The following SPECC1 variants were observed in gnomAD, a reference collection of about 807,000 sequenced individuals.
SPECC1 encodes sperm antigen with calponin homology and coiled-coil domains 1.
SPECC1 carries 62 observed loss-of-function variants against 104.1 expected under a neutral mutation model. The observed-to-expected ratio is 0.60, with a 90% confidence interval of 0.49 to 0.74. The LOEUF (loss-of-function observed/expected upper bound fraction) is 0.74, where lower values mean the gene tolerates loss of function less well. SPECC1 is among the 30% of genes least tolerant of loss of function. The pLI is 0.00. For synonymous variants in SPECC1, 513 were observed against 501.6 expected (o/e 1.02, Z -0.30); for missense variants, 1,306 against 1,310.5 (o/e 1.00, Z 0.05).
At chr17:20,179,287 A>G (rs770950426) in intron 3 of SPECC1, among the ~76,000 whole-genome samples, 10 of 152,260 alleles carry the variant, frequency 6.6e-5, no homozygotes, top group Non-Finnish European at 1.2e-4. Context: ...TGCAGGCACT[A>G]AAGTCTACAG....
intron 5 of SPECC1, among the ~76,000 whole-genome samples, chr17:20,228,411 C>G (rs1327988727): frequency 2.0e-5 from 3 of 152,176 alleles, no homozygotes; most frequent in African/African-American, 4.8e-5. Context: ...CTGCTGCTGT[C>G]TCCAGGCAGC....
intron 1 of SPECC1, chr17:20,056,692 C>T (rs1271242898): frequency 1.3e-5 from 2 of 152,436 alleles, no homozygotes; most frequent in Non-Finnish European, 2.9e-5. Flanking sequence ...TATGCAGAGG[C>T]ATTTTATAGA....
At chr17:20,050,106 C>G (rs1029512990) in intron 1 of SPECC1, among the ~76,000 whole-genome samples, 1 of 152,190 alleles carries the variant, frequency 6.6e-6, no homozygotes, top group Admixed American at 6.5e-5. Context: ...TGTGAGCCAC[C>G]GCCCCTGGCC....
chr17:20,266,903 T>TC (rs938662485), intron 12 of SPECC1, among the ~76,000 whole-genome samples: 1 of 151,976 alleles, frequency 6.6e-6, no homozygotes, highest in Non-Finnish European at 1.5e-5. Context: ...GTGTGGAGGG[T>TC]CAGAGTAAGG....
chr17:20,272,836 A>G (rs2040452016), intron 12 of SPECC1, among the ~76,000 whole-genome samples: 1 of 152,218 alleles, frequency 6.6e-6, no homozygotes. Context: ...TTTCACAGAT[A>G]CAATGTTACA....
chr17:20,287,564 G>A (rs1309292046), intron 12 of SPECC1, among the ~76,000 whole-genome samples: 2 of 151,628 alleles, frequency 1.3e-5, no homozygotes, highest in Non-Finnish European at 2.9e-5. Context: ...TACCAGTTGT[G>A]CCACATTGAT....
intron 3 of SPECC1, among the ~76,000 whole-genome samples, chr17:20,156,905 A>G (rs1285633313): frequency 1.3e-5 from 2 of 152,160 alleles, no homozygotes; most frequent in African/African-American, 4.8e-5. Flanking sequence ...CACGTGAAGC[A>G]AAAGGGATTT....
intron 1 of SPECC1, among the ~76,000 whole-genome samples, chr17:20,034,416 A>G (rs2044971157): frequency 6.6e-6 from 1 of 151,470 alleles, no homozygotes; most frequent in South Asian, 2.1e-4. Flanking sequence ...ATTTTTTACT[A>G]AAAAAATGTC....
At chr17:20,076,456 T>A (rs964017263) in intron 1 of SPECC1, among the ~76,000 whole-genome samples, 1 of 152,196 alleles carries the variant, frequency 6.6e-6, no homozygotes, top group Non-Finnish European at 1.5e-5. Context: ...TGCCTTGGCC[T>A]CCTAAAGTGC....
rs753510873 is a variant in SPECC1 at position 20,260,245 on chromosome 17, A to C, written c.2891A>C (p.Lys964Thr). The change falls in exon 12 of 15, where the codon AAG becomes ACG. Residue 964 changes from lysine (K) to threonine (T), a missense_variant. By Grantham distance (78) the Lys-to-Thr change is moderately conservative. Transcript: ENST00000395527. ...TTGGCCCGGGAATACGGTGGTTCCA[A>C]GCGCAATGCTCTACTGAAATGGTGC... ...AALAREYGGSKRNALLKWCQK... is the reference protein window; with the variant it reads ...AALAREYGGSTRNALLKWCQK... 6.2e-7 allele frequency: 1 copy of C among 1,614,132 alleles called. No individual in the cohort carries two copies. The highest frequency in any genetic ancestry group is 8.5e-7 in the Non-Finnish European group (1 of 1,179,972).
At chr17:20,036,857 A>G (rs554712286) in intron 1 of SPECC1, among the ~76,000 whole-genome samples, 3 of 152,350 alleles carry the variant, frequency 2.0e-5, no homozygotes, top group African/African-American at 7.2e-5. Context: ...AATAAGAGCA[A>G]TGAGAGTGAA....
rs1222758913 is a variant in SPECC1, at chr17:20,015,584, ATT to A, written c.-22+6177_-22+6178del. ...CATATTTTTAACTTTCCGGGTCTCT[ATT>A]TTTTTTTTTTTTTTTTGAGGTGGAG... On this transcript the variant is annotated intron_variant, in intron 1 of 14. Transcript: ENST00000395527. 9.3e-4 allele frequency among the ~76,000 whole-genome samples: 95 copies of A among 102,074 alleles called. 1 individual carries two copies. The highest frequency in any genetic ancestry group is 7.2e-3 in the Middle Eastern group (1 of 138). 67.0% of individuals were successfully genotyped at this position (102,074 alleles called of 152,430 possible).
chr17:20,160,740 T>G (rs2033062907), intron 3 of SPECC1, among the ~76,000 whole-genome samples: 1 of 152,334 alleles, frequency 6.6e-6, no homozygotes, highest in Non-Finnish European at 1.5e-5. Context: ...GGTAGTTACC[T>G]CTACAATTCT....
At chr17:20,095,752 A>T (rs2047615745) in intron 1 of SPECC1, 1 of 152,482 alleles carries the variant, frequency 6.6e-6, no homozygotes, top group Non-Finnish European at 1.5e-5. Context: ...TGCATTTCTG[A>T]TGTTCTTTGA....
chr17:20,192,654 C>T (rs2151289436), intron 3 of SPECC1, among the ~76,000 whole-genome samples: 1 of 152,302 alleles, frequency 6.6e-6, no homozygotes, highest in South Asian at 2.1e-4. Context: ...TTCTCTTCTA[C>T]CTCCCAGTTT....
At chr17:20,156,240 T>G in intron 3 of SPECC1, 1 of 1,366,778 alleles carries the variant, frequency 7.3e-7, no homozygotes, top group African/African-American at 1.5e-5. Flanking sequence ...GAACCAGGTC[T>G]GTGCGGCTGG....
At chr17:20,055,358 C>G (rs2045923193) in intron 1 of SPECC1, among the ~76,000 whole-genome samples, 1 of 151,902 alleles carries the variant, frequency 6.6e-6, no homozygotes, top group Admixed American at 6.6e-5. Context: ...TAGTTGTTTC[C>G]ACATCTTGGT....
At chr17:20,247,114 G>A (rs2039453167) in intron 8 of SPECC1, 105 bp from the exon 9 acceptor site, 2 of 764,896 alleles carry the variant, frequency 2.6e-6, no homozygotes, top group Non-Finnish European at 2.1e-6. Context: ...CACTAAACAC[G>A]GATACTCCTT....
chr17:20,154,440 A>G (rs1181333391), intron 3 of SPECC1, among the ~76,000 whole-genome samples: 1 of 152,178 alleles, frequency 6.6e-6, no homozygotes, highest in East Asian at 1.9e-4. Context: ...GGCAGAGGGA[A>G]CACCAAGTGC....
Sources: allele counts gnomAD v4.1 joint callset (sites outside exome capture counted in the v4.1 genomes callset), GRCh38; gene constraint gnomAD v4.1.1; transcripts MANE v1.5; gene names NCBI Gene and HGNC (gene_info 2026-07-23, HGNC 2026-07-21).